Variants in BPIFB4 observed in about 807,000 individuals in gnomAD.
The protein encoded by BPIFB4 is BPI fold containing family B member 4.
BPIFB4 carries 62 observed loss-of-function variants against 69.2 expected under a neutral mutation model. The ratio of observed to expected loss-of-function variants is 0.90; its 90% CI spans 0.73 to 1.11. BPIFB4 has a LOEUF of 1.11. Ranked by LOEUF, BPIFB4 falls within the 50% of genes least tolerant of loss-of-function variation. The probability of loss-of-function intolerance (pLI) is 0.00; values close to 1 mark genes in which losing one functional copy is unlikely to be tolerated. For synonymous variants in BPIFB4, 330 were observed against 332.7 expected (o/e 0.99, Z 0.09); for missense variants, 789 against 792.0 (o/e 1.00, Z 0.04).
chr20:33,104,933 G>A (rs1982006001), intron 16 of BPIFB4, 60 bp downstream of exon 16: 9 of 1,522,986 alleles, frequency 5.9e-6, no homozygotes, highest in Non-Finnish European at 8.2e-6. Context: ...GGGGATACTG[G>A]CTTGTTGGGC....
chr20:33,090,895 G>A, intron 10 of BPIFB4, 96 bp downstream of exon 10: 1 of 1,441,084 alleles, frequency 6.9e-7, no homozygotes, highest in Non-Finnish European at 9.5e-7. Context: ...GAATGCCTGG[G>A]AAGTAACACT....
intron 9 of BPIFB4, 77 bp from the exon 10 acceptor site, chr20:33,090,631 C>T: frequency 6.3e-7 from 1 of 1,586,752 alleles, no homozygotes; most frequent in Non-Finnish European, 8.6e-7. Context: ...CTTGTCCATC[C>T]CCAGCCCCAG....
chr20:33,083,496 G>C lies in BPIFB4; in HGVS notation c.299G>C (p.Gly100Ala), dbSNP rs779799200. Residue 100 changes from glycine to alanine, a missense_variant, in exon 5 of 18, where the codon GGG (glycine) becomes GCG (alanine). Transcript: ENST00000375483. ...IETNDNTAQL[G>A]GKYRYGEILE... ...ACCAACGACAACACTGCTCAGCTGGGGGGCAAATACCGATATGGTGAGATC... is the reference window on the plus strand; with the variant it reads ...ACCAACGACAACACTGCTCAGCTGGCGGGCAAATACCGATATGGTGAGATC... The C allele has an allele frequency of 5.0e-6, 8 of 1,613,976 alleles. No homozygotes were observed. The South Asian group carries it at 8.8e-5, about 18-fold the overall frequency.
chr20:33,081,276 T>C (rs1981220258), intron 2 of BPIFB4, among the ~76,000 whole-genome samples: 1 of 152,256 alleles, frequency 6.6e-6, no homozygotes, highest in Admixed American at 6.5e-5. Flanking sequence ...ATCCATTCTC[T>C]GAAACAGTGT....
chr20:33,095,286 A>G (rs1279579915), intron 12 of BPIFB4, 133 bp downstream of exon 12: 12 of 974,350 alleles, frequency 1.2e-5, no homozygotes, highest in Non-Finnish European at 1.6e-5. Flanking sequence ...GAGTGCAGTG[A>G]CAGTGACAAG....
At chr20:33,089,734 C>CG (rs1396727717) in intron 9 of BPIFB4, among the ~76,000 whole-genome samples, 176 bp downstream of exon 9, 4 of 152,104 alleles carry the variant, frequency 2.6e-5, no homozygotes, top group Non-Finnish European at 5.9e-5. Context: ...CAAACACCCC[C>CG]CCCGAGTACC....
chr20:33,102,602 A>G (rs1981936604), intron 14 of BPIFB4, among the ~76,000 whole-genome samples: 1 of 152,242 alleles, frequency 6.6e-6, no homozygotes, highest in Non-Finnish European at 1.5e-5. Context: ...GTGATCACTC[A>G]TGCACCTATG....
In BPIFB4 at chr20:33,083,002, T is replaced by G. The variant is rs780767674; in HGVS notation, c.169+2T>G. On this transcript the variant is annotated splice_donor_variant, in intron 4 of 17. Transcript: ENST00000375483. LOFTEE classifies it high-confidence loss of function. ...CGGCCCTGAGAGAGGTGCCCTTGGG[T>G]AAAGCCCGTGGTGATGGTGGTGGGC... The G allele has an allele frequency of 1.2e-6, 2 of 1,607,028 alleles. No homozygotes were observed. Among genetic ancestry groups the G allele is most frequent in the Non-Finnish European group, 1.7e-6 (2 of 1,177,116 alleles).
intron 3 of BPIFB4, among the ~76,000 whole-genome samples, chr20:33,082,319 G>A (rs1981255989): frequency 6.9e-6 from 1 of 144,252 alleles, no homozygotes; most frequent in African/African-American, 2.7e-5. Flanking sequence ...TAATACATAA[G>A]AAAGTTTATT....
intron 9 of BPIFB4, among the ~76,000 whole-genome samples, chr20:33,090,363 GGAACCCTAAAT>G (rs1469091988): frequency 1.3e-5 from 2 of 152,192 alleles, no homozygotes; most frequent in African/African-American, 4.8e-5. Context: ...ACCACATTGT[GGAACCCTAAAT>G]TCCTTCCCTG....
In BPIFB4 at chr20:33,084,839, AGTGG is replaced by A. The variant is rs1981369714; in HGVS notation, c.678-48_678-45del. ...GGGTGTAGGGGAGGGCGCTCGGGTG[AGTGG>A]GTGGTAGTTGGGGTGGCCGGCCTTC... is the stretch of plus-strand genomic sequence containing the variant. On this transcript the variant is annotated intron_variant, in intron 5 of 17. Coordinates refer to ENST00000375483, the MANE Select transcript of BPIFB4 (RefSeq NM_182519.3). 3.2e-6 allele frequency: 5 copies of A among 1,581,788 alleles called. No individual in the cohort carries two copies. In the Admixed American group the frequency reaches 5.2e-5, roughly 16 times the overall value.
chr20:33,093,461 A>T (rs924330683), intron 11 of BPIFB4, among the ~76,000 whole-genome samples: 1 of 148,558 alleles, frequency 6.7e-6, no homozygotes, highest in Non-Finnish European at 1.5e-5. Context: ...CTATCCATCC[A>T]TCTGTTTATC....
At position 33,103,148 on chromosome 20, in the gene BPIFB4, T is replaced by C. The variant is rs1416168593; in HGVS notation, c.1680+134T>C. On this transcript the variant is annotated intron_variant, in intron 15 of 17. Transcript: ENST00000375483. ...AATTCCAAAGTGCTCCCGTCAACAC[T>C]ATCAGCCCTCATTTTGCAGATGGAC... 14 of 973,008 alleles carry C rather than the reference T, an allele frequency of 1.4e-5. No homozygotes were observed. The East Asian group carries it at 3.1e-4, about 22-fold the overall frequency. 60.3% of individuals were successfully genotyped at this position (973,008 alleles called of 1,614,324 possible).
chr20:33,088,340 C>CAAAA (rs11167197), intron 7 of BPIFB4, among the ~76,000 whole-genome samples: 3 of 122,830 alleles, frequency 2.4e-5, no homozygotes, highest in Admixed American at 1.6e-4. Flanking sequence ...GACTCTGTCT[C>CAAAA]AAAAAAAAAA....
At chr20:33,100,583 C>A in intron 14 of BPIFB4, 90 bp downstream of exon 14, 1 of 1,257,634 alleles carries the variant, frequency 8.0e-7, no homozygotes, top group Non-Finnish European at 1.1e-6. Flanking sequence ...TCCTGTGTGG[C>A]CATCAGGGCT....
At position 33,110,751 on chromosome 20, in the gene BPIFB4, A is replaced by ATTT. The variant is rs200479862; in HGVS notation, c.1822-650_1822-648dup. Among the ~76,000 whole-genome samples, 215 of 111,492 alleles carry ATTT rather than the reference A, an allele frequency of 1.9e-3. 2 individuals carry two copies. Among genetic ancestry groups the ATTT allele is most frequent in the Middle Eastern group, 0.011 (2 of 180 alleles). The allele number at this position is 111,492 out of a possible 152,430, so 73.1% of individuals were successfully genotyped here. On this transcript the variant is annotated intron_variant, in intron 17 of 17. Transcript: ENST00000375483. The stretch of plus-strand genomic sequence containing the variant: ...TATTTCTGTCGATAGAGACTCACGA[A>ATTT]TTTTTTTTTTTTTTTGGTCTATGGG...
chr20:33,088,863 TTC>T, intron 7 of BPIFB4, 101 bp from the exon 8 acceptor site: 1 of 1,574,286 alleles, frequency 6.4e-7, no homozygotes, highest in Non-Finnish European at 8.6e-7. Flanking sequence ...CACTCAGAGG[TTC>T]TCACTGTTCA....
rs1381239620 is a variant in BPIFB4, at chr20:33,089,682, A to G, written c.1051+124A>G. On this transcript the variant is annotated intron_variant, in intron 9 of 17. Coordinates refer to ENST00000375483, the MANE Select transcript of BPIFB4 (RefSeq NM_182519.3). ...TAGGCCCTTGAAGTGAGGAGTGGCT[A>G]ATGCCACAAGGGAGGTGCCACCTGG... 6.6e-6 allele frequency: 10 copies of G among 1,512,704 alleles called. No homozygotes were observed. The East Asian group carries it at 2.2e-4, about 33-fold the overall frequency. The allele number at this position is 1,512,704 out of a possible 1,614,324, so 93.7% of individuals were successfully genotyped here. A position where few individuals can be genotyped will look rare whatever the true frequency, so the allele number is the denominator to read the frequency against.
Position 33,084,918 on chromosome 20 carries a change from C to T in BPIFB4, c.704C>T (p.Pro235Leu), listed in dbSNP as rs772156115. 6.2e-7 allele frequency: 1 copy of T among 1,610,134 alleles called. No individual in the cohort carries two copies. The highest frequency in any genetic ancestry group is 8.5e-7 in the Non-Finnish European group (1 of 1,179,978). Residue 235 changes from proline to leucine, a missense_variant, in exon 6 of 18, where the codon CCT (proline) becomes CTT (leucine). By Grantham distance (98) the Pro-to-Leu change is moderately conservative. Transcript: ENST00000375483. ...CTGCGTATCGTGGAGCTGACCCTCC[C>T]TCGGGTGTCCGTGCGGCTCCTGCCC... ...TGLRIVELTL[P>L]RVSVRLLPGV...
Sources: gnomAD v4.1 joint callset for allele counts (sites outside exome capture counted in the v4.1 genomes callset) on GRCh38, gnomAD v4.1.1 for gene constraint, MANE v1.5 for transcripts, NCBI Gene and HGNC (gene_info 2026-07-23, HGNC 2026-07-21) for gene names.